Variants in CDC42BPB observed in about 807,000 individuals in gnomAD.
CDC42BPB encodes the protein CDC42 binding protein kinase beta.
In CDC42BPB, 37 loss-of-function variants were observed where a neutral mutation model predicts 214.9. The ratio of observed to expected loss-of-function variants is 0.17; its 90% CI spans 0.13 to 0.23. The LOEUF is 0.23. Ranked by LOEUF, CDC42BPB falls within the 10% of genes least tolerant of loss-of-function variation. The probability of loss-of-function intolerance (pLI) is 1.00; values close to 1 mark genes in which losing one functional copy is unlikely to be tolerated. For synonymous variants in CDC42BPB, 931 were observed against 884.0 expected (o/e 1.05, Z -0.94); for missense variants, 1,694 against 2,227.0 (o/e 0.76, Z 4.82).
At chr14:102,985,847 A>G (rs1894222378) in intron 6 of CDC42BPB, among the ~76,000 whole-genome samples, 1 of 152,278 alleles carries the variant, frequency 6.6e-6, no homozygotes, top group Admixed American at 6.5e-5. Context: ...ACAGGGTGTG[A>G]GCAGAGCTGG....
At chr14:102,987,816 C>CACAA (rs1172509150) in intron 5 of CDC42BPB, among the ~76,000 whole-genome samples, 1 of 151,550 alleles carries the variant, frequency 6.6e-6, no homozygotes, top group Non-Finnish European at 1.5e-5. Context: ...CACACACACA[C>CACAA]ACACACACGG....
At chr14:102,994,543 G>C (rs972241231) in intron 5 of CDC42BPB, among the ~76,000 whole-genome samples, 5 of 152,176 alleles carry the variant, frequency 3.3e-5, no homozygotes, top group African/African-American at 9.7e-5. Context: ...CACTGTGCTG[G>C]GACTGCCTAT....
At position 102,943,035 on chromosome 14, in the gene CDC42BPB, A is replaced by T. The variant is rs1048158208; in HGVS notation, c.4408+856T>A. ...AGGCGCCCGCCACCACGCCCGGCTAATTTTTTTTTGTATTTTTAGTAGAGA... is the reference window on the plus strand; with the variant it reads ...AGGCGCCCGCCACCACGCCCGGCTATTTTTTTTTTGTATTTTTAGTAGAGA... On this transcript the variant is annotated intron_variant, in intron 30 of 36. Coordinates refer to ENST00000361246, the MANE Select transcript of CDC42BPB (RefSeq NM_006035.4). This position sits in a 1 kb window ranked among gnomAD's most constrained non-coding sequence, Gnocchi z 4.6. 6.6e-6 allele frequency among the ~76,000 whole-genome samples: 1 copy of T among 151,386 alleles called. No individual in the cohort carries two copies. The highest frequency in any genetic ancestry group is 2.4e-5 in the African/African-American group (1 of 41,176).
intron 16 of CDC42BPB, among the ~76,000 whole-genome samples, chr14:102,967,858 G>A (rs1893287142): frequency 6.6e-6 from 1 of 152,200 alleles, no homozygotes; most frequent in African/African-American, 2.4e-5. Context: ...CACTTTGGGA[G>A]GCTGAGGTGG....
rs772783051 is a variant in CDC42BPB, at chr14:102,964,563, C to T, written c.2665G>A (p.Ala889Thr). The T allele has an allele frequency of 2.5e-6, 4 of 1,613,934 alleles. No homozygotes were observed. Among genetic ancestry groups the T allele is most frequent in the Non-Finnish European group, 3.4e-6 (4 of 1,180,018 alleles). Residue 889 changes from alanine (A) to threonine (T), a missense_variant, in exon 19 of 37, where the codon GCC becomes ACC. Coordinates refer to ENST00000361246, the MANE Select transcript of CDC42BPB (RefSeq NM_006035.4). ...AGCTCCTCCTGGACAAGCTGCTTGG[C>T]CCGGATCTCCGCCTCCAGGGCCGAC... ...LQSALEAEIR[A>T]KQLVQEELRK...
chr14:102,951,312 C>T (rs183269667), intron 24 of CDC42BPB, among the ~76,000 whole-genome samples: 232 of 152,364 alleles, frequency 1.5e-3, no homozygotes, highest in African/African-American at 5.2e-3. Flanking sequence ...AAGGGCATCT[C>T]TGTTCACAGA....
rs372511177 is a variant in CDC42BPB at position 102,946,693 on chromosome 14, C to G, written c.3532-9G>C. 6.2e-7 allele frequency: 1 copy of G among 1,612,424 alleles called. No homozygotes were observed. Among genetic ancestry groups the G allele is most frequent in the Non-Finnish European group, 8.5e-7 (1 of 1,179,808 alleles). ...AAGAGAGAGGCCGTCACCTTCATGA[C>G]AGGAAACAGAAGAGAAGAGAGAAGT... is the stretch of plus-strand genomic sequence containing the variant. On this transcript the variant is annotated splice_polypyrimidine_tract_variant and intron_variant, in intron 27 of 36. Transcript: ENST00000361246.
In CDC42BPB at chr14:102,938,364, G is replaced by T; in HGVS notation, c.4875C>A (p.Thr1625=). 6.3e-7 allele frequency: 1 copy of T among 1,586,704 alleles called. No individual in the cohort carries two copies. The highest frequency in any genetic ancestry group is 1.2e-5 in the South Asian group (1 of 85,138). Residue 1625 remains threonine, a synonymous_variant, in exon 35 of 37, where the codon ACC becomes ACA. Coordinates refer to ENST00000361246, the MANE Select transcript of CDC42BPB (RefSeq NM_006035.4). ...SQEERPGPAP[T]NLARQPPSRN... is the part of the protein sequence containing the mutation. ...TGGATGGAGGCTGGCGAGCCAGGTT[G>T]GTGGGAGCGGGGCCCGGCCTTTCCT...
Position 102,946,505 on chromosome 14 carries a change from C to T in CDC42BPB, c.3711G>A (p.Leu1237=). Residue 1237 remains leucine (L), a synonymous_variant, in exon 28 of 37, where the codon CTG becomes CTA. Transcript: ENST00000361246. ...HVPLEAYDSS[L]PLIKAILTAA... ...CTGTCAGGATGGCCTTGATGAGAGG[C>T]AGCGAGCTGTCGTAGGCTTCCAAGG... 1 of 1,612,794 alleles carries T rather than the reference C, an allele frequency of 6.2e-7. No homozygotes were observed. Among genetic ancestry groups the T allele is most frequent in the South Asian group, 1.1e-5 (1 of 91,080 alleles).
chr14:102,987,117 G>A (rs1205974903), intron 5 of CDC42BPB, among the ~76,000 whole-genome samples: 2 of 152,264 alleles, frequency 1.3e-5, no homozygotes, highest in Non-Finnish European at 2.9e-5. Context: ...ACGAGGTCCA[G>A]GAGGCAGGTG....
chr14:102,975,685 T>C lies in CDC42BPB; in HGVS notation c.1506A>G (p.Ala502=). ...EEIERLKNKI[A]DSNRLERQLE... is the part of the protein sequence containing the mutation. ...GAAGTCACACTTTTAAACACATACC[T>C]GCTATTTTATTCTTCAAGCGTTCGA... Residue 502 remains alanine (A), a splice_region_variant and synonymous_variant, in exon 11 of 37, where the codon GCA becomes GCG. Coordinates refer to ENST00000361246, the MANE Select transcript of CDC42BPB (RefSeq NM_006035.4). 6.2e-7 allele frequency: 1 copy of C among 1,613,940 alleles called. No homozygotes were observed. The highest frequency in any genetic ancestry group is 8.5e-7 in the Non-Finnish European group (1 of 1,179,814).
At chr14:103,037,119 T>G (rs1278067590) in intron 1 of CDC42BPB, among the ~76,000 whole-genome samples, 1 of 152,188 alleles carries the variant, frequency 6.6e-6, no homozygotes, top group East Asian at 1.9e-4. Context: ...AAATCAGCTT[T>G]TAATGTTTAA....
chr14:103,035,988 C>T (rs905807857), intron 1 of CDC42BPB, among the ~76,000 whole-genome samples: 20 of 151,740 alleles, frequency 1.3e-4, no homozygotes, highest in African/African-American at 4.6e-4. Context: ...CTCATCTGTA[C>T]AAAAATACAA....
chr14:102,974,012 C>T lies in CDC42BPB; in HGVS notation c.1641+4G>A, dbSNP rs931524512. ...CCTTTCTCACCCCAAACTGAGCCAC[C>T]TACCTTGTGCAGCTCCTCCTTCTCC... On this transcript the variant is annotated splice_donor_region_variant and intron_variant, in intron 12 of 36. Transcript: ENST00000361246. The T allele has an allele frequency of 6.2e-7, 1 of 1,600,210 alleles. No individual in the cohort carries two copies. The highest frequency in any genetic ancestry group is 8.5e-7 in the Non-Finnish European group (1 of 1,174,404).
intron 12 of CDC42BPB, among the ~76,000 whole-genome samples, chr14:102,973,069 C>T (rs1893558970): frequency 6.6e-6 from 1 of 152,212 alleles, no homozygotes; most frequent in South Asian, 2.1e-4. Flanking sequence ...TCTGGCAGTT[C>T]AGTCACTGTC....
chr14:102,981,094 G>C, intron 7 of CDC42BPB, 73 bp from the exon 8 acceptor site: 2 of 1,586,228 alleles, frequency 1.3e-6, no homozygotes, highest in Non-Finnish European at 1.7e-6. Context: ...AGATATGATA[G>C]GAAACAAAGT....
At chr14:102,964,266 C>T (rs929948083) in intron 19 of CDC42BPB, among the ~76,000 whole-genome samples, 2 of 152,186 alleles carry the variant, frequency 1.3e-5, no homozygotes, top group Admixed American at 1.3e-4. Flanking sequence ...GCTCGCACCG[C>T]ACCACACCCC....
chr14:102,989,012 C>T (rs10140827), intron 5 of CDC42BPB, among the ~76,000 whole-genome samples: 8,412 of 151,682 alleles, frequency 0.055, 260 homozygotes, highest in African/African-American at 0.076. Context: ...AAACAAATGG[C>T]AAATTGGGGA....
In CDC42BPB at chr14:102,933,590, C is replaced by A; in HGVS notation, c.*122G>T. 1 of 766,632 alleles carries A rather than the reference C, an allele frequency of 1.3e-6. No individual in the cohort carries two copies. The highest frequency in any genetic ancestry group is 1.9e-6 in the Non-Finnish European group (1 of 528,848). 47.5% of individuals were successfully genotyped at this position (766,632 alleles called of 1,614,324 possible). ...TATTATAATAAAGATTTGTCTTCTT[C>A]ATCTCCATATCTACAAAGTGATTCT... On this transcript the variant is annotated 3_prime_UTR_variant, in exon 37 of 37. Coordinates refer to ENST00000361246, the MANE Select transcript of CDC42BPB (RefSeq NM_006035.4).
Sources: allele counts gnomAD v4.1 joint callset (sites outside exome capture counted in the v4.1 genomes callset), GRCh38; gene constraint gnomAD v4.1.1; non-coding constraint Gnocchi (gnomAD v3.1); transcripts MANE v1.5; gene names NCBI Gene and HGNC (gene_info 2026-07-23, HGNC 2026-07-21).